MRPL52: variants seen among roughly 807,000 people sequenced by gnomAD.
The protein encoded by MRPL52 is large ribosomal subunit protein mL52.
Under a neutral mutation model 22.1 loss-of-function variants are expected in MRPL52, and 19 were observed. The ratio of observed to expected loss-of-function variants is 0.86; its 90% CI spans 0.60 to 1.26. The LOEUF (loss-of-function observed/expected upper bound fraction) is 1.26, where lower values mean the gene tolerates loss of function less well. Among genes scored for constraint, MRPL52 ranks in the 50% most tolerant of loss-of-function variants. The pLI, the probability that MRPL52 is intolerant of heterozygous loss-of-function variation, is 0.00. For synonymous variants in MRPL52, 50 were observed against 57.5 expected (o/e 0.87, Z 0.59); for missense variants, 152 against 148.1 (o/e 1.03, Z -0.14).
chr14:22,830,555 T>C (rs1224612626), intron 3 of MRPL52: 1 of 457,672 alleles, frequency 2.2e-6, no homozygotes, highest in Non-Finnish European at 3.9e-6. Context: ...GGGACATTTT[T>C]TTTTAACCAA....
In MRPL52 at chr14:22,830,047, C is replaced by T; in HGVS notation, c.29-6C>T. The T allele has an allele frequency of 6.2e-7, 1 of 1,614,082 alleles. No individual in the cohort carries two copies. Among genetic ancestry groups the T allele is most frequent in the Non-Finnish European group, 8.5e-7 (1 of 1,179,952 alleles). ...CTCCCCCAACTCTGCTCTGTTCTCC[C>T]AGCAGGTGTCCGGAGGCTGCACTGC... On this transcript the variant is annotated splice_polypyrimidine_tract_variant and splice_region_variant and intron_variant, in intron 1 of 4. Transcript: ENST00000397496.
chr14:22,830,145 A>C (rs778187924), intron 2 of MRPL52, 35 bp downstream of exon 2: 26 of 1,614,136 alleles, frequency 1.6e-5, no homozygotes, highest in Non-Finnish European at 2.2e-5. Context: ...GGGGGACCAG[A>C]AGCTGGGCTA....
intron 3 of MRPL52, chr14:22,830,871 C>A: frequency 2.4e-6 from 2 of 821,202 alleles, no homozygotes; most frequent in Non-Finnish European, 3.8e-6. Context: ...GATCATACAG[C>A]TAGGTAGTAG....
rs1468641697 is a variant in MRPL52, at chr14:22,834,332, C to T, written c.*11C>T. ...CTTCCAAGTCAATAAAAAGCAACTC[C>T]TGCCTCCCTTCCTCACCCTGTCTCT... is the stretch of plus-strand genomic sequence containing the variant. On this transcript the variant is annotated 3_prime_UTR_variant, in exon 5 of 5. Coordinates refer to ENST00000397496, the MANE Select transcript of MRPL52 (RefSeq NM_180982.3). 2 of 1,606,572 alleles carry T rather than the reference C, an allele frequency of 1.2e-6. No homozygotes were observed.
At chr14:22,833,336 T>TC in intron 3 of MRPL52, 82 bp from the exon 4 acceptor site, 1 of 869,756 alleles carries the variant, frequency 1.1e-6, no homozygotes, top group South Asian at 1.4e-5. Flanking sequence ...GATTGGTTCT[T>TC]CCCTTATTCC....
chr14:22,832,370 A>T (rs2039640421), intron 3 of MRPL52, among the ~76,000 whole-genome samples: 1 of 151,958 alleles, frequency 6.6e-6, no homozygotes, highest in Non-Finnish European at 1.5e-5. Flanking sequence ...AGATGGAGTC[A>T]GGCTCTGTCG....
chr14:22,834,595 G>C lies in MRPL52; in HGVS notation c.*274G>C, dbSNP rs1370150415. The C allele has an allele frequency of 3.5e-6, 1 of 282,216 alleles. No individual in the cohort carries two copies. The highest frequency in any genetic ancestry group is 6.8e-6 in the Non-Finnish European group (1 of 147,744). The allele number at this position is 282,216 out of a possible 1,614,324, so 17.5% of individuals were successfully genotyped here. A position where few individuals can be genotyped will look rare whatever the true frequency, so the allele number is the denominator to read the frequency against. On this transcript the variant is annotated 3_prime_UTR_variant, in exon 5 of 5. Coordinates refer to ENST00000397496, the MANE Select transcript of MRPL52 (RefSeq NM_180982.3). ...CACGCCTGTAATCCCAGCACTTTGG[G>C]AGGCTGAGGCGGGCAGATCACAAGA...
chr14:22,830,522 A>C (rs2039583032), intron 3 of MRPL52: 1 of 504,522 alleles, frequency 2.0e-6, no homozygotes, highest in Admixed American at 3.7e-5. Context: ...AGGGGGTGAC[A>C]AGACTTCTGC....
chr14:22,832,660 C>T (rs541324284), intron 3 of MRPL52, among the ~76,000 whole-genome samples: 12 of 152,122 alleles, frequency 7.9e-5, no homozygotes. Context: ...GAAGACAAAA[C>T]AGTAGATTCA....
rs1307413302 is a variant in MRPL52, at chr14:22,834,282, C to G, written c.330C>G (p.Pro110=). The G allele has an allele frequency of 1.2e-6, 2 of 1,613,924 alleles. No homozygotes were observed. Among genetic ancestry groups the G allele is most frequent in the Non-Finnish European group, 1.7e-6 (2 of 1,180,006 alleles). The change falls in exon 5 of 5, where the codon CCC becomes CCG. Residue 110 remains proline (P), a synonymous_variant. Coordinates refer to ENST00000397496, the MANE Select transcript of MRPL52 (RefSeq NM_180982.3). The part of the protein sequence containing the change: ...EQRKQENALK[P]KGASLKSPLP... ...GGAAGCAGGAAAATGCTCTTAAACC[C>G]AAAGGGGCTTCACTGAAGAGCCCAC... is the stretch of plus-strand genomic sequence containing the variant.
intron 3 of MRPL52, chr14:22,830,852 AT>A: frequency 1.4e-6 from 1 of 696,184 alleles, no homozygotes; most frequent in Non-Finnish European, 2.4e-6. Context: ...ACAGAAGTGA[AT>A]TGCACATGAT....
chr14:22,832,791 A>G (rs2039651061), intron 3 of MRPL52, among the ~76,000 whole-genome samples: 1 of 152,000 alleles, frequency 6.6e-6, no homozygotes, highest in African/African-American at 2.4e-5. Context: ...AGGCAGGAGA[A>G]TTGCTTGAAC....
rs973109628 is a variant in MRPL52, at chr14:22,830,332, G to T, written c.154+78G>T. Reference sequence around the variant, plus strand: ...AACGCCCCTGGACGGGGAGCTGGGGGTATCAAGGTGGGGGCGTGTAAAAGT... The same window carrying T: ...AACGCCCCTGGACGGGGAGCTGGGGTTATCAAGGTGGGGGCGTGTAAAAGT... On this transcript the variant is annotated intron_variant, in intron 3 of 4. Coordinates refer to ENST00000397496, the MANE Select transcript of MRPL52 (RefSeq NM_180982.3). The T allele has an allele frequency of 4.8e-6, 7 of 1,461,488 alleles. No individual in the cohort carries two copies. In the African/African-American group the frequency reaches 8.3e-5, roughly 17 times the overall value. 90.5% of individuals were successfully genotyped at this position (1,461,488 alleles called of 1,614,324 possible).
chr14:22,830,651 G>A, intron 3 of MRPL52: 1 of 379,938 alleles, frequency 2.6e-6, no homozygotes. Context: ...AGAAATAAGC[G>A]TCTCAGAGGG....
At chr14:22,833,829 C>T (rs112955448) in intron 4 of MRPL52, among the ~76,000 whole-genome samples, 18 of 152,284 alleles carry the variant, frequency 1.2e-4, no homozygotes, top group African/African-American at 4.3e-4. Context: ...CTATGTTGGT[C>T]AGACTGGTCT....
chr14:22,830,157 G>C (rs2039571275), intron 2 of MRPL52, 30 bp from the exon 3 acceptor site: 24 of 1,614,118 alleles, frequency 1.5e-5, no homozygotes, highest in Non-Finnish European at 1.9e-5. Flanking sequence ...GCTGGGCTAG[G>C]TCCTCACAGA....
At position 22,834,283 on chromosome 14, in the gene MRPL52, A is replaced by C. The variant is rs776421735; in HGVS notation, c.331A>C (p.Lys111Gln). Residue 111 changes from lysine (K) to glutamine (Q), a missense_variant, in exon 5 of 5, where the codon AAA becomes CAA. Physicochemically the swap from Lys to Gln is moderately conservative, Grantham distance 53. Transcript: ENST00000397496. ...GAAGCAGGAAAATGCTCTTAAACCC[A>C]AAGGGGCTTCACTGAAGAGCCCACT... Reference protein sequence around the residue: ...QRKQENALKPKGASLKSPLPS... With the variant: ...QRKQENALKPQGASLKSPLPS... The C allele has an allele frequency of 8.7e-5, 141 of 1,613,968 alleles. No individual in the cohort carries two copies. Among genetic ancestry groups the C allele is most frequent in the Non-Finnish European group, 1.1e-4 (134 of 1,180,018 alleles).
chr14:22,831,105 G>GC (rs1555327895), intron 3 of MRPL52: 5 of 101,348 alleles, frequency 4.9e-5, no homozygotes, highest in Non-Finnish European at 6.7e-5. Context: ...ACATATGACT[G>GC]CTTTTTTTTT....
intron 4 of MRPL52, 21 bp downstream of exon 4, chr14:22,833,503 C>T (rs1276871434): frequency 1.3e-6 from 2 of 1,578,850 alleles, no homozygotes; most frequent in South Asian, 1.1e-5. Context: ...AGAGCAACAG[C>T]CAGGGCTACC....
Sources: allele counts gnomAD v4.1 joint callset (sites outside exome capture counted in the v4.1 genomes callset), GRCh38; gene constraint gnomAD v4.1.1; transcripts MANE v1.5; gene names NCBI Gene and HGNC (gene_info 2026-07-23, HGNC 2026-07-21).